SHC4: variants seen among roughly 807,000 people sequenced by gnomAD.
SHC4 encodes SHC-transforming protein 4.
Under a neutral mutation model 69.4 loss-of-function variants are expected in SHC4, and 41 were observed. The ratio of observed to expected loss-of-function variants is 0.59; its 90% CI spans 0.46 to 0.77. The LOEUF is 0.77. SHC4 is among the 30% of genes least tolerant of loss of function. The pLI is 0.00. For synonymous variants in SHC4, 318 were observed against 299.3 expected (o/e 1.06, Z -0.64); for missense variants, 777 against 783.8 (o/e 0.99, Z 0.10).
chr15:48,829,224 A>T (rs1898750243), intron 11 of SHC4, among the ~76,000 whole-genome samples: 1 of 152,072 alleles, frequency 6.6e-6, no homozygotes, highest in Non-Finnish European at 1.5e-5. Flanking sequence ...TGTTGGATGG[A>T]ATGTTCTGTA....
intron 1 of SHC4, among the ~76,000 whole-genome samples, chr15:48,952,906 C>T (rs1480410865): frequency 6.6e-6 from 1 of 152,136 alleles, no homozygotes; most frequent in African/African-American, 2.4e-5. Flanking sequence ...CCCAGCAATC[C>T]CATTACTGGG....
At chr15:48,878,566 A>G in intron 4 of SHC4, 3 of 1,614,056 alleles carry the variant, frequency 1.9e-6, no homozygotes, top group Non-Finnish European at 2.5e-6. Flanking sequence ...CTCTTGAAGA[A>G]GCCGACAAGA....
At chr15:48,852,628 G>A (rs964388931) in intron 8 of SHC4, among the ~76,000 whole-genome samples, 7 of 152,172 alleles carry the variant, frequency 4.6e-5, no homozygotes, top group African/African-American at 1.2e-4. Flanking sequence ...AGGGCCAGGC[G>A]TGACGGCTCA....
At chr15:48,907,453 T>C (rs148182790) in intron 2 of SHC4, among the ~76,000 whole-genome samples, 28 of 152,102 alleles carry the variant, frequency 1.8e-4, no homozygotes, top group Middle Eastern at 3.4e-3. Flanking sequence ...CAGGTGGTAT[T>C]TGGTTACACG....
At chr15:48,959,049 G>A (rs1488499522) in intron 1 of SHC4, among the ~76,000 whole-genome samples, 1 of 152,132 alleles carries the variant, frequency 6.6e-6, no homozygotes, top group Non-Finnish European at 1.5e-5. Flanking sequence ...TACATCATAA[G>A]ACCAAATGAA....
At chr15:48,884,039 G>C (rs1376602650) in intron 4 of SHC4, among the ~76,000 whole-genome samples, 2 of 152,198 alleles carry the variant, frequency 1.3e-5, no homozygotes, top group Non-Finnish European at 2.9e-5. Context: ...GTTAGGTAGG[G>C]ACACCTATGT....
At chr15:48,896,169 A>G (rs543962363) in intron 2 of SHC4, among the ~76,000 whole-genome samples, 46 of 151,894 alleles carry the variant, frequency 3.0e-4, no homozygotes, top group Non-Finnish European at 5.9e-4. Context: ...ACCTATTTGT[A>G]CAAACTTTCC....
chr15:48,849,990 G>A (rs1899175380), intron 9 of SHC4, among the ~76,000 whole-genome samples: 1 of 152,152 alleles, frequency 6.6e-6, no homozygotes, highest in Non-Finnish European at 1.5e-5. Flanking sequence ...ATCACTTGAG[G>A]TCAGGAGTTT....
At chr15:48,959,540 T>C (rs776310924) in intron 1 of SHC4, among the ~76,000 whole-genome samples, 10 of 152,110 alleles carry the variant, frequency 6.6e-5, no homozygotes, top group Non-Finnish European at 1.5e-4. Flanking sequence ...GATAAGAAGG[T>C]AGAATATGAA....
intron 11 of SHC4, among the ~76,000 whole-genome samples, chr15:48,833,666 T>C (rs1898849233): frequency 6.6e-6 from 1 of 152,112 alleles, no homozygotes. Flanking sequence ...CCATGTGAAG[T>C]GAGACAGAAA....
intron 1 of SHC4, among the ~76,000 whole-genome samples, chr15:48,925,855 A>G (rs548176239): frequency 1.6e-3 from 241 of 152,308 alleles, no homozygotes; most frequent in African/African-American, 5.6e-3. Flanking sequence ...GATGGTGTCA[A>G]TAGGAAGGAC....
chr15:48,925,562 A>G (rs1240702652), intron 1 of SHC4, among the ~76,000 whole-genome samples: 1 of 152,206 alleles, frequency 6.6e-6, no homozygotes, highest in Non-Finnish European at 1.5e-5. Flanking sequence ...AGCTGATTTA[A>G]ATATTAAGGG....
chr15:48,899,510 G>A (rs1900281146), intron 2 of SHC4, among the ~76,000 whole-genome samples: 2 of 151,464 alleles, frequency 1.3e-5, no homozygotes, highest in Non-Finnish European at 2.9e-5. Flanking sequence ...CAGTAAAACA[G>A]TTTGTCATAC....
intron 1 of SHC4, among the ~76,000 whole-genome samples, chr15:48,926,078 C>T (rs1567071666): frequency 6.6e-6 from 1 of 152,066 alleles, no homozygotes. Context: ...ACTTAAGGCA[C>T]CGGTGGGGTA....
At chr15:48,919,049 A>G (rs1254577664) in intron 2 of SHC4, among the ~76,000 whole-genome samples, 1 of 150,728 alleles carries the variant, frequency 6.6e-6, no homozygotes, top group African/African-American at 2.4e-5. Context: ...CAAGGGACTG[A>G]TGTCTGGCCC....
chr15:48,927,986 T>C (rs541785169), intron 1 of SHC4, among the ~76,000 whole-genome samples: 1 of 152,288 alleles, frequency 6.6e-6, no homozygotes, highest in East Asian at 1.9e-4. Flanking sequence ...TAGGATCTGG[T>C]GGGCACTCGA....
At chr15:48,909,974 G>A (rs1449140084) in intron 2 of SHC4, among the ~76,000 whole-genome samples, 2 of 151,936 alleles carry the variant, frequency 1.3e-5, no homozygotes, top group African/African-American at 2.4e-5. Context: ...TTGTTAAGGA[G>A]TTCAGCATCT....
At chr15:48,925,376 T>C (rs1354656620) in intron 1 of SHC4, among the ~76,000 whole-genome samples, 1 of 152,170 alleles carries the variant, frequency 6.6e-6, no homozygotes, top group Non-Finnish European at 1.5e-5. Flanking sequence ...ATTTCCTACA[T>C]ATAAATAAAG....
At chr15:48,951,118 A>G (rs1232916997) in intron 1 of SHC4, among the ~76,000 whole-genome samples, 1 of 152,008 alleles carries the variant, frequency 6.6e-6, no homozygotes, top group East Asian at 1.9e-4. Flanking sequence ...CTTGATGACA[A>G]TAACAACAAA....
Sources: gnomAD v4.1 joint callset for allele counts (sites outside exome capture counted in the v4.1 genomes callset) on GRCh38, gnomAD v4.1.1 for gene constraint, MANE v1.5 for transcripts, NCBI Gene and HGNC (gene_info 2026-07-23, HGNC 2026-07-21) for gene names.